Variants in ERFL observed in about 807,000 individuals in gnomAD.
The protein encoded by ERFL is ETS repressor factor like, also known as ETS domain-containing transcription factor ERF-like.
Under a neutral mutation model 27.9 loss-of-function variants are expected in ERFL, and 8 were observed. That is an observed-to-expected ratio of 0.29 (90% CI 0.17 to 0.52). The LOEUF is 0.52. Among genes scored for constraint, ERFL ranks in the 20% least tolerant of loss-of-function variants. The probability of loss-of-function intolerance (pLI) is 0.97; values close to 1 mark genes in which losing one functional copy is unlikely to be tolerated. For missense variants in ERFL, 294 were observed against 444.4 expected (o/e 0.66, Z 3.04); for synonymous variants, 174 against 202.8 (o/e 0.86, Z 1.21).
chr19:41,911,193 C>T (rs1891396363), intron 2 of ERFL, among the ~76,000 whole-genome samples: 1 of 152,178 alleles, frequency 6.6e-6, no homozygotes, highest in African/African-American at 2.4e-5. Flanking sequence ...GGGGAGTACT[C>T]CACTGTCCAC....
intron 1 of ERFL, among the ~76,000 whole-genome samples, chr19:41,913,978 T>C (rs2074770515): frequency 7.0e-6 from 1 of 142,138 alleles, no homozygotes; most frequent in South Asian, 2.3e-4. Flanking sequence ...AACCCACTCC[T>C]CTTAGACACC....
At chr19:41,926,740 T>C (rs936099002) in intron 1 of ERFL, among the ~76,000 whole-genome samples, 2 of 152,068 alleles carry the variant, frequency 1.3e-5, no homozygotes, top group Non-Finnish European at 2.9e-5. Context: ...GGGGGGCCGT[T>C]TAGCCGTGAT....
At chr19:41,914,956 A>ATCTCCG (rs1599675132) in intron 1 of ERFL, among the ~76,000 whole-genome samples, 3 of 51,790 alleles carry the variant, frequency 5.8e-5, no homozygotes, top group Admixed American at 3.5e-4. Flanking sequence ...CTCTTCCACT[A>ATCTCCG]TCTCTGTCTC....
chr19:41,916,721 G>T lies in ERFL; in HGVS notation c.-13-3789C>A, dbSNP rs903076928. On this transcript the variant is annotated intron_variant, in intron 1 of 5. Coordinates refer to ENST00000597630, the MANE Select transcript of ERFL (RefSeq NM_001365103.2). This position sits in a 1 kb window ranked among gnomAD's most constrained non-coding sequence, Gnocchi z 5.4. ...TATGCACTTGGTCACGCATGGAGCC[G>T]TAGAGATACACACACCAGCACCAAC... Among the ~76,000 whole-genome samples the T allele has an allele frequency of 6.6e-6, 1 of 151,548 alleles. No homozygotes were observed. Among genetic ancestry groups the T allele is most frequent in the Non-Finnish European group, 1.5e-5 (1 of 67,894 alleles).
At chr19:41,912,957 G>A (rs1230758992) in intron 1 of ERFL, 25 bp from the exon 2 acceptor site, 4 of 1,125,332 alleles carry the variant, frequency 3.6e-6, no homozygotes, top group Non-Finnish European at 4.5e-6. Flanking sequence ...AGGGACACAC[G>A]GGGACGGGGT....
At chr19:41,913,999 C>T (rs904578784) in intron 1 of ERFL, among the ~76,000 whole-genome samples, 5 of 151,410 alleles carry the variant, frequency 3.3e-5, no homozygotes, top group Non-Finnish European at 5.9e-5. Context: ...CTGATACTCC[C>T]CACTGCTCCC....
rs1465862872 is a variant in ERFL at position 41,914,890 on chromosome 19, ATCTCTG to A, written c.-13-1964_-13-1959del. 4.1e-3 allele frequency among the ~76,000 whole-genome samples: 54 copies of A among 13,098 alleles called. 1 individual carries two copies. In the African/African-American group the frequency reaches 0.055, roughly 13 times the overall value. The allele number at this position is 13,098 out of a possible 152,430, so 8.6% of individuals were successfully genotyped here. On this transcript the variant is annotated intron_variant, in intron 1 of 5. Transcript: ENST00000597630. ...TCTCTGTCTCTCCCTCCCCTCCATC[ATCTCTG>A]TCTCTGTCTCTCCCTCCCCCTCCAC...
rs1215894632 is a variant in ERFL, at chr19:41,908,578, A to G, written c.715T>C (p.Phe239Leu). 7.3e-6 allele frequency: 9 copies of G among 1,231,484 alleles called. No individual in the cohort carries two copies. The highest frequency in any genetic ancestry group is 9.1e-6 in the Non-Finnish European group (9 of 987,994). The allele number at this position is 1,231,484 out of a possible 1,614,324, so 76.3% of individuals were successfully genotyped here. Residue 239 changes from phenylalanine (F) to leucine (L), a missense_variant, in exon 6 of 6, where the codon TTC becomes CTC. Transcript: ENST00000597630. This position sits in a 1 kb window ranked among gnomAD's most constrained non-coding sequence, Gnocchi z 6.7. ...WNFNPYLTGP[F>L]PKLPPSLYPP... ...TAGAGAGAGGGAGGCAGCTTGGGGA[A>G]GGGGCCCGTGAGGTACGGGTTAAAG... is the stretch of plus-strand genomic sequence containing the variant.
At chr19:41,911,732 A>G (rs1215465121) in intron 2 of ERFL, among the ~76,000 whole-genome samples, 2 of 152,164 alleles carry the variant, frequency 1.3e-5, no homozygotes, top group African/African-American at 4.8e-5. Flanking sequence ...TGTATCACAG[A>G]CACACCCACA....
At chr19:41,927,384 T>C (rs550699875) in intron 1 of ERFL, among the ~76,000 whole-genome samples, 3 of 152,090 alleles carry the variant, frequency 2.0e-5, no homozygotes, top group African/African-American at 7.2e-5. Flanking sequence ...ATACCAAATA[T>C]CCAGACCCCA....
Position 41,912,898 on chromosome 19 carries a change from C to T in ERFL, c.22G>A (p.Asp8Asn), listed in dbSNP as rs2074762242. 5 of 1,231,568 alleles carry T rather than the reference C, an allele frequency of 4.1e-6. No individual in the cohort carries two copies. The highest frequency in any genetic ancestry group is 3.2e-5 in the East Asian group (1 of 31,692). The allele number at this position is 1,231,568 out of a possible 1,614,324, so 76.3% of individuals were successfully genotyped here. Residue 8 changes from aspartate to asparagine, a missense_variant, in exon 2 of 6, where the codon GAC becomes AAC. By Grantham distance (23) the Asp-to-Asn change is conservative. Transcript: ENST00000597630. Reference sequence around the variant, plus strand: ...AGGGCGGGCGGGGCGAAGAGAAGGTCGGAGACGCAGCTACAGTCCATGGCG... The same window carrying T: ...AGGGCGGGCGGGGCGAAGAGAAGGTTGGAGACGCAGCTACAGTCCATGGCG... MDCSCVS[D>N]LLFAPPALPA...
At chr19:41,922,818 T>G (rs1407433953) in intron 1 of ERFL, among the ~76,000 whole-genome samples, 1 of 152,184 alleles carries the variant, frequency 6.6e-6, no homozygotes, top group Non-Finnish European at 1.5e-5. Flanking sequence ...AATAAATTAT[T>G]GTGACAAGAT....
Position 41,917,426 on chromosome 19 carries a change from C to T in ERFL, c.-13-4494G>A, listed in dbSNP as rs1461028527. Among the ~76,000 whole-genome samples the T allele has an allele frequency of 1.3e-5, 2 of 152,064 alleles. No individual in the cohort carries two copies. The highest frequency in any genetic ancestry group is 2.4e-5 in the African/African-American group (1 of 41,378). ...AAGCTGCGCCGGCCGCCTCGGGAGC[C>T]GCCTCGGGCCTCGCACCCCCACCAC... On this transcript the variant is annotated intron_variant, in intron 1 of 5. Transcript: ENST00000597630. The surrounding 1 kb of genome is among the most constrained non-coding windows in gnomAD (Gnocchi z 4.8).
intron 1 of ERFL, among the ~76,000 whole-genome samples, chr19:41,922,223 C>A (rs141685934): frequency 7.2e-5 from 11 of 152,156 alleles, no homozygotes; most frequent in African/African-American, 2.2e-4. Flanking sequence ...GAGCCCGGGG[C>A]TTGGCACCAA....
rs1555851160 is a variant in ERFL, at chr19:41,910,643, T to C, written c.68-546A>G. On this transcript the variant is annotated intron_variant, in intron 2 of 5. Transcript: ENST00000597630. The surrounding 1 kb of genome is among the most constrained non-coding windows in gnomAD (Gnocchi z 4.4). ...TGCATGTCTGTACCTGCCTGTGTAT[T>C]TGTACCTTTCCCGTCCCTGTGTCCC... Among the ~76,000 whole-genome samples the C allele has an allele frequency of 6.6e-6, 1 of 152,148 alleles. No individual in the cohort carries two copies. Among genetic ancestry groups the C allele is most frequent in the East Asian group, 1.9e-4 (1 of 5,196 alleles).
chr19:41,924,814 C>G (rs1599681605), intron 1 of ERFL, among the ~76,000 whole-genome samples: 1 of 152,018 alleles, frequency 6.6e-6, no homozygotes, highest in Non-Finnish European at 1.5e-5. Context: ...GAGACACGTG[C>G]TAGGAAAGGG....
At chr19:41,926,881 G>A (rs2081999) in intron 1 of ERFL, among the ~76,000 whole-genome samples, 104,539 of 152,034 alleles carry the variant, frequency 0.69, 36,360 homozygotes, top group East Asian at 0.82. Flanking sequence ...AACCAGCGAG[G>A]GGGAGACAGA....
chr19:41,920,843 G>A lies in ERFL; in HGVS notation c.-14+7197C>T, dbSNP rs562416337. Among the ~76,000 whole-genome samples the A allele has an allele frequency of 3.9e-5, 6 of 152,354 alleles. No individual in the cohort carries two copies. In the East Asian group the frequency reaches 1.2e-3, roughly 29 times the overall value. Reference sequence around the variant, plus strand: ...GCTACCCTCGCTTGAGAGGTGGGGAGGCTCCAGGCCAGAGACAGAGAGGCC... The same window carrying A: ...GCTACCCTCGCTTGAGAGGTGGGGAAGCTCCAGGCCAGAGACAGAGAGGCC... On this transcript the variant is annotated intron_variant, in intron 1 of 5. Transcript: ENST00000597630.
In ERFL at chr19:41,914,551, T is replaced by C. The variant is rs575827948; in HGVS notation, c.-13-1619A>G. On this transcript the variant is annotated intron_variant, in intron 1 of 5. Transcript: ENST00000597630. ...CCCATCTCTGCTATCCGTCTTTCCCTCCCCTTCCACCATCTCTGTCTCCGT... is the reference window on the plus strand; with the variant it reads ...CCCATCTCTGCTATCCGTCTTTCCCCCCCCTTCCACCATCTCTGTCTCCGT... 1.6e-4 allele frequency among the ~76,000 whole-genome samples: 19 copies of C among 120,836 alleles called. 1 individual carries two copies. Among genetic ancestry groups the C allele is most frequent in the African/African-American group, 5.3e-4 (16 of 30,454 alleles). 79.3% of individuals were successfully genotyped at this position (120,836 alleles called of 152,430 possible).
Sources: allele counts gnomAD v4.1 joint callset (sites outside exome capture counted in the v4.1 genomes callset), GRCh38; gene constraint gnomAD v4.1.1; non-coding constraint Gnocchi (gnomAD v3.1); transcripts MANE v1.5; gene names NCBI Gene and HGNC (gene_info 2026-07-23, HGNC 2026-07-21).